SPOP: variants seen among roughly 807,000 people sequenced by gnomAD.
The protein encoded by SPOP is speckle-type POZ protein.
In SPOP, 11 loss-of-function variants were observed where a neutral mutation model predicts 45.6. That is an observed-to-expected ratio of 0.24 (90% CI 0.15 to 0.40). The LOEUF (loss-of-function observed/expected upper bound fraction) is 0.40. Ranked by LOEUF, SPOP falls within the 10% of genes least tolerant of loss-of-function variation. SPOP has a pLI of 1.00. For synonymous variants in SPOP, 166 were observed against 166.3 expected (o/e 1.00, Z 0.01); for missense variants, 152 against 465.6 (o/e 0.33, Z 6.20).
At chr17:49,658,646 G>A (rs542489321) in intron 1 of SPOP, among the ~76,000 whole-genome samples, 7 of 152,286 alleles carry the variant, frequency 4.6e-5, no homozygotes, top group South Asian at 2.1e-4. Flanking sequence ...TTCCATCGGC[G>A]GTGGCAGGAC....
chr17:49,618,917 AT>A, intron 5 of SPOP, 63 bp downstream of exon 5: 2 of 1,537,410 alleles, frequency 1.3e-6, no homozygotes, highest in Non-Finnish European at 8.7e-7. Flanking sequence ...ATACAATATA[AT>A]TAAGTCTACC....
In SPOP at chr17:49,599,399, A is replaced by C. The variant is rs2071697988; in HGVS notation, c.*979T>G. On this transcript the variant is annotated 3_prime_UTR_variant, in exon 10 of 10. Coordinates refer to ENST00000504102, the MANE Select transcript of SPOP (RefSeq NM_001007228.2). Reference sequence around the variant, plus strand: ...CAGAACTGGCTCCTATGCAGGCGGCAAGTCAGGTACAAACAGCTGAGCAAT... The same window carrying C: ...CAGAACTGGCTCCTATGCAGGCGGCCAGTCAGGTACAAACAGCTGAGCAAT... 4.4e-6 allele frequency: 1 copy of C among 226,046 alleles called. No homozygotes were observed. The highest frequency in any genetic ancestry group is 2.2e-5 in the African/African-American group (1 of 44,928). The allele number at this position is 226,046 out of a possible 1,614,324, so 14.0% of individuals were successfully genotyped here.
chr17:49,667,599 A>G (rs2073079982), intron 1 of SPOP, among the ~76,000 whole-genome samples: 1 of 152,162 alleles, frequency 6.6e-6, no homozygotes, highest in East Asian at 1.9e-4. Flanking sequence ...AACAGGAAAA[A>G]AAGAAAAAGT....
chr17:49,623,024 T>G (rs2072251763), intron 1 of SPOP, 148 bp from the exon 2 acceptor site: 1 of 506,782 alleles, frequency 2.0e-6, no homozygotes, highest in Non-Finnish European at 3.5e-6. Flanking sequence ...TTTTTTTTTT[T>G]CCTGATAGTT....
chr17:49,667,581 T>G (rs894971224), intron 1 of SPOP, among the ~76,000 whole-genome samples: 3 of 152,026 alleles, frequency 2.0e-5, no homozygotes, highest in Non-Finnish European at 2.9e-5. Context: ...AGAGTAAGAC[T>G]CCATCTCAAC....
At chr17:49,666,549 C>T (rs1195021169) in intron 1 of SPOP, among the ~76,000 whole-genome samples, 4 of 151,860 alleles carry the variant, frequency 2.6e-5, no homozygotes, top group South Asian at 2.1e-4. Flanking sequence ...AACTCAAGGC[C>T]GGGCACAGTG....
At chr17:49,617,317 T>A (rs2072109230) in intron 5 of SPOP, among the ~76,000 whole-genome samples, 1 of 152,252 alleles carries the variant, frequency 6.6e-6, no homozygotes, top group South Asian at 2.1e-4. Flanking sequence ...AGATTCAAAC[T>A]GTGATCTGTT....
chr17:49,623,123 C>A (rs1164457008), intron 1 of SPOP, among the ~76,000 whole-genome samples: 1 of 152,072 alleles, frequency 6.6e-6, no homozygotes, highest in East Asian at 1.9e-4. Flanking sequence ...ATTCTCCTGC[C>A]TAAGCCTCCC....
intron 1 of SPOP, among the ~76,000 whole-genome samples, chr17:49,641,592 G>A (rs925094078): frequency 1.3e-5 from 2 of 149,828 alleles, no homozygotes; most frequent in South Asian, 2.1e-4. Flanking sequence ...AAAAAACCCA[G>A]AATGTTTCTC....
chr17:49,613,077 C>T (rs1303105633), intron 5 of SPOP: 1 of 152,112 alleles, frequency 6.6e-6, no homozygotes, highest in Non-Finnish European at 1.5e-5. Context: ...TCACATTTAT[C>T]AGAGCCAGAT....
chr17:49,650,584 A>C (rs2072830015), intron 1 of SPOP, among the ~76,000 whole-genome samples: 1 of 152,120 alleles, frequency 6.6e-6, no homozygotes, highest in South Asian at 2.1e-4. Context: ...CGTTTCAAAA[A>C]TAATAATAAC....
In SPOP at chr17:49,622,085, G is replaced by C. The variant is rs918150419; in HGVS notation, c.79-18C>G. Reference sequence around the variant, plus strand: ...ACCTTGATCTGTTGATAGAAAAACAGGAAGCAATTAAATAGGAAGTGGACA... The same window carrying C: ...ACCTTGATCTGTTGATAGAAAAACACGAAGCAATTAAATAGGAAGTGGACA... On this transcript the variant is annotated intron_variant, in intron 2 of 9. Coordinates refer to ENST00000504102, the MANE Select transcript of SPOP (RefSeq NM_001007228.2). The C allele has an allele frequency of 6.2e-7, 1 of 1,611,180 alleles. No homozygotes were observed.
At chr17:49,630,792 GA>G (rs2143368798) in intron 1 of SPOP, among the ~76,000 whole-genome samples, 1 of 152,178 alleles carries the variant, frequency 6.6e-6, no homozygotes, top group African/African-American at 2.4e-5. Context: ...CCTATAGGGG[GA>G]TTACCGATAC....
intron 1 of SPOP, among the ~76,000 whole-genome samples, chr17:49,648,626 G>A (rs2072794926): frequency 6.6e-6 from 1 of 152,086 alleles, no homozygotes; most frequent in Non-Finnish European, 1.5e-5. Flanking sequence ...GGTCCTGCCG[G>A]GCTGAGACTC....
intron 1 of SPOP, among the ~76,000 whole-genome samples, chr17:49,634,009 A>T (rs1161840213): frequency 1.3e-5 from 2 of 151,040 alleles, no homozygotes; most frequent in Admixed American, 6.6e-5. Flanking sequence ...AAACTCCTCC[A>T]GCTGCTTAAA....
chr17:49,649,408 A>G (rs1185373642), intron 1 of SPOP, among the ~76,000 whole-genome samples: 1 of 151,866 alleles, frequency 6.6e-6, no homozygotes, highest in Non-Finnish European at 1.5e-5. Context: ...GTGGCGGCGC[A>G]TGCCTGTAAT....
intron 8 of SPOP, among the ~76,000 whole-genome samples, chr17:49,606,500 T>C (rs1206200828): frequency 1.8e-4 from 26 of 141,432 alleles, no homozygotes; most frequent in African/African-American, 4.0e-4. Context: ...TTTTTCTTTT[T>C]TTTTTTTTTT....
At position 49,622,781 on chromosome 17, in the gene SPOP, C is replaced by G. The variant is rs189212134; in HGVS notation, c.30G>C (p.Pro10=). The G allele has an allele frequency of 6.2e-7, 1 of 1,614,082 alleles. No homozygotes were observed. The highest frequency in any genetic ancestry group is 1.1e-5 in the South Asian group (1 of 91,088). Residue 10 remains proline (P), a synonymous_variant, in exon 2 of 10, where the codon CCG becomes CCC. Transcript: ENST00000504102. ...CTACGGGGCCACTCGACATTTCTGC[C>G]GGAGGTGGAGGACTTGGAACCCTTG... is the stretch of plus-strand genomic sequence containing the variant. MSRVPSPPP[P]AEMSSGPVAE... is the part of the protein sequence containing the mutation.
intron 1 of SPOP, among the ~76,000 whole-genome samples, chr17:49,655,732 AAACT>A (rs2072900655): frequency 6.6e-6 from 1 of 152,220 alleles, no homozygotes; most frequent in Admixed American, 6.5e-5. Flanking sequence ...GGATAATTTA[AAACT>A]ACTATATAAT....
Sources: gnomAD v4.1 joint callset for allele counts (sites outside exome capture counted in the v4.1 genomes callset) on GRCh38, gnomAD v4.1.1 for gene constraint, MANE v1.5 for transcripts, NCBI Gene and HGNC (gene_info 2026-07-23, HGNC 2026-07-21) for gene names.